Variants in SLC19A1 observed in about 807,000 individuals in gnomAD.
SLC19A1 encodes reduced folate transporter.
Under a neutral mutation model 35.3 loss-of-function variants are expected in SLC19A1, and 37 were observed. The observed-to-expected ratio is 1.05, with a 90% CI of 0.81 to 1.38. The LOEUF is 1.38. Ranked by LOEUF, SLC19A1 falls within the 40% of genes most tolerant of loss-of-function variation. The pLI is 0.00. For missense variants in SLC19A1, 831 were observed against 826.9 expected, an observed-to-expected ratio of 1.00 and a Z score of -0.06; for synonymous variants, 460 against 398.5, an observed-to-expected ratio of 1.15 and a Z score of -1.84.
downstream of SLC19A1, chr21:45,512,088 C>T: frequency 7.5e-6 from 10 of 1,335,022 alleles, no homozygotes; most frequent in Non-Finnish European, 1.1e-5. Flanking sequence ...CTGGTAACCC[C>T]AGGGCTGGCC....
chr21:45,546,250 G>T (rs112887093), upstream of SLC19A1, among the ~76,000 whole-genome samples: 4 of 152,224 alleles, frequency 2.6e-5, no homozygotes, highest in African/African-American at 7.2e-5. Flanking sequence ...GAGAAGCAAA[G>T]CCCAGAGGAA....
chr21:45,504,633 C>G, intron 3 of SLC19A1: 2 of 1,323,264 alleles, frequency 1.5e-6, no homozygotes, highest in East Asian at 5.0e-5. Flanking sequence ...TCCAGCCCGG[C>G]CTTCGACACC....
rs1555877869 is a variant in SLC19A1 at position 45,514,264 on chromosome 21, C to CCA, written c.*1393_*1394insTG. ...AGGAAATGGCTGGTGCAGACCCCCC[C>CCA]CCAAGCAGGGTCCCCAGGGTGGCCA... On this transcript the variant is annotated 3_prime_UTR_variant, in exon 6 of 6. Transcript: ENST00000311124. 1 of 152,060 alleles carries CCA rather than the reference C, an allele frequency of 6.6e-6. No individual in the cohort carries two copies. The highest frequency in any genetic ancestry group is 1.5e-5 in the Non-Finnish European group (1 of 68,102). 9.4% of individuals were successfully genotyped at this position (152,060 alleles called of 1,614,324 possible). A position where few individuals can be genotyped will look rare whatever the true frequency, so the allele number is the denominator to read the frequency against.
chr21:45,538,252 G>T (rs1205450033), intron 1 of SLC19A1, among the ~76,000 whole-genome samples: 2 of 152,228 alleles, frequency 1.3e-5, no homozygotes, highest in Admixed American at 6.5e-5. Context: ...GCTGAGGGAA[G>T]TCTCCAGCCA....
At chr21:45,525,787 C>T (rs2146291265) in intron 5 of SLC19A1, 30 bp downstream of exon 5, 1 of 1,609,880 alleles carries the variant, frequency 6.2e-7, no homozygotes, top group East Asian at 2.2e-5. Flanking sequence ...AGCTTCCATC[C>T]CCGAGGACGC....
chr21:45,550,367 G>A (rs922195762), intron 1 of SLC19A1, among the ~76,000 whole-genome samples: 6 of 152,144 alleles, frequency 3.9e-5, no homozygotes, highest in African/African-American at 4.8e-5. Context: ...ATGCCAGACC[G>A]CTTGGAGATG....
upstream of SLC19A1, among the ~76,000 whole-genome samples, chr21:45,546,889 G>A (rs916534885): frequency 1.3e-5 from 2 of 152,204 alleles, no homozygotes; most frequent in Non-Finnish European, 2.9e-5. Flanking sequence ...TTGCAAGCAA[G>A]CTATCCGAGA....
intron 4 of SLC19A1, among the ~76,000 whole-genome samples, chr21:45,528,458 A>C (rs929288657): frequency 2.0e-5 from 3 of 151,690 alleles, no homozygotes; most frequent in Non-Finnish European, 4.4e-5. Flanking sequence ...GGCCGGCCTC[A>C]CTCTGGTTAA....
chr21:45,532,219 G>A lies in SLC19A1; in HGVS notation c.190-71C>T, dbSNP rs114821394. 3.7e-3 allele frequency: 4,935 copies of A among 1,327,882 alleles called. 69 individuals are homozygous for A. The highest frequency in any genetic ancestry group is 0.033 in the African/African-American group (2,253 of 68,576). 82.3% of individuals were successfully genotyped at this position (1,327,882 alleles called of 1,614,324 possible). Reference sequence around the variant, plus strand: ...CCGCTGCGGCAGACACAGCCCGCCCGAGGTGATGGCTGCTGACGGCTTCCT... The same window carrying A: ...CCGCTGCGGCAGACACAGCCCGCCCAAGGTGATGGCTGCTGACGGCTTCCT... On this transcript the variant is annotated intron_variant, in intron 2 of 5. Transcript: ENST00000311124.
chr21:45,555,466 G>C (rs1226125111), intron 1 of SLC19A1, among the ~76,000 whole-genome samples: 2 of 130,130 alleles, frequency 1.5e-5, no homozygotes, highest in African/African-American at 2.9e-5. Flanking sequence ...GGGAGGTTGT[G>C]GGGGGAAGGG....
chr21:45,543,584 G>A (rs2078375532), upstream of SLC19A1, among the ~76,000 whole-genome samples: 1 of 152,264 alleles, frequency 6.6e-6, no homozygotes, highest in South Asian at 2.1e-4. Context: ...CCACCAGGAA[G>A]CCAACACAGG....
intron 3 of SLC19A1, chr21:45,505,580 G>A (rs1209740265): frequency 1.5e-6 from 1 of 679,926 alleles, no homozygotes; most frequent in Non-Finnish European, 2.6e-6. Flanking sequence ...GCGGGGCCAG[G>A]CCATGGGGGA....
chr21:45,534,703 G>GCTCCTCCTCCCT lies in SLC19A1; in HGVS notation c.190-2556_190-2555insAGGGAGGAGGAG. ...GCTCCTCTCCCTGCACCTCCTCAAC[G>GCTCCTCCTCCCT]GCCCCTACTCCCTCTTCCTCAGCCT... On this transcript the variant is annotated intron_variant, in intron 2 of 5. Coordinates refer to ENST00000311124, the MANE Select transcript of SLC19A1 (RefSeq NM_194255.4). The surrounding 1 kb of genome is among the most constrained non-coding windows in gnomAD (Gnocchi z 4.2). 3.1e-6 allele frequency: 3 copies of GCTCCTCCTCCCT among 970,286 alleles called. No homozygotes were observed. Among genetic ancestry groups the GCTCCTCCTCCCT allele is most frequent in the Non-Finnish European group, 4.7e-6 (3 of 641,736 alleles). 60.1% of individuals were successfully genotyped at this position (970,286 alleles called of 1,614,324 possible). A position where few individuals can be genotyped will look rare whatever the true frequency, so the allele number is the denominator to read the frequency against.
downstream of SLC19A1, among the ~76,000 whole-genome samples, chr21:45,507,834 A>C (rs573410798): frequency 6.6e-6 from 1 of 152,296 alleles, no homozygotes; most frequent in African/African-American, 2.4e-5. Flanking sequence ...TCATCCCTCA[A>C]CTTTCCCAGT....
upstream of SLC19A1, among the ~76,000 whole-genome samples, chr21:45,543,225 G>A (rs9978086): frequency 0.01 from 1,530 of 152,344 alleles, 22 homozygotes; most frequent in African/African-American, 0.034. Flanking sequence ...GGCTGCGGCA[G>A]ACAGCACCGC....
rs1458392779 is a variant in SLC19A1, at chr21:45,517,113, G to A, written c.1294-973C>T. ...CTCGGGGTCTGGGGAGCTGTGCCAC[G>A]CAAGGACAGACTGTGCCACGCAGAG... On this transcript the variant is annotated intron_variant, in intron 5 of 5. Coordinates refer to ENST00000311124, the MANE Select transcript of SLC19A1 (RefSeq NM_194255.4). This position sits in a 1 kb window ranked among gnomAD's most constrained non-coding sequence, Gnocchi z 4.4. 6.6e-6 allele frequency among the ~76,000 whole-genome samples: 1 copy of A among 152,110 alleles called. No individual in the cohort carries two copies. Among genetic ancestry groups the A allele is most frequent in the Non-Finnish European group, 1.5e-5 (1 of 68,008 alleles).
chr21:45,510,044 A>G, downstream of SLC19A1: 4 of 1,542,836 alleles, frequency 2.6e-6, no homozygotes, highest in Non-Finnish European at 2.6e-6. Context: ...ACAGCCCGTG[A>G]CGCGCCCCTC....
At chr21:45,550,767 G>A (rs1281028098) in intron 1 of SLC19A1, among the ~76,000 whole-genome samples, 1 of 152,116 alleles carries the variant, frequency 6.6e-6, no homozygotes, top group Non-Finnish European at 1.5e-5. Context: ...GTAGTGCAGG[G>A]GCGTGCAGTC....
At chr21:45,555,214 T>G (rs549149230) in intron 1 of SLC19A1, among the ~76,000 whole-genome samples, 21 of 2,290 alleles carry the variant, frequency 9.2e-3, no homozygotes, top group Admixed American at 0.074. Context: ...CAGGGGGCGG[T>G]GGGGGGCGCC....
Sources: gnomAD v4.1 joint callset for allele counts (sites outside exome capture counted in the v4.1 genomes callset) on GRCh38, gnomAD v4.1.1 for gene constraint, Gnocchi (gnomAD v3.1) non-coding constraint, MANE v1.5 for transcripts, NCBI Gene and HGNC (gene_info 2026-07-23, HGNC 2026-07-21) for gene names.